MED13: variants seen among roughly 807,000 people sequenced by gnomAD.
MED13 encodes the protein mediator complex subunit 13.
A neutral mutation model predicts 225.2 loss-of-function variants in MED13; 23 were observed. The ratio of observed to expected loss-of-function variants is 0.10; its 90% CI spans 0.07 to 0.14. The LOEUF is 0.14. MED13 is among the 10% of genes least tolerant of loss of function. The pLI, the probability that MED13 is intolerant of heterozygous loss-of-function variation, is 1.00. For missense variants in MED13, 2,197 were observed against 2,594.5 expected (o/e 0.85, Z 3.33); for synonymous variants, 942 against 889.2 (o/e 1.06, Z -1.06).
intron 23 of MED13, among the ~76,000 whole-genome samples, chr17:61,959,751 C>T (rs1603391674): frequency 8.9e-6 from 1 of 112,868 alleles, no homozygotes; most frequent in Non-Finnish European, 1.7e-5. Context: ...TTTTTTGAGA[C>T]AGGGTCTTAC....
At chr17:61,981,078 A>G (rs749993713) in intron 16 of MED13, among the ~76,000 whole-genome samples, 2 of 151,562 alleles carry the variant, frequency 1.3e-5, no homozygotes, top group South Asian at 4.1e-4. Context: ...GCTGGAGTGC[A>G]GTAGTGCGAT....
intron 16 of MED13, among the ~76,000 whole-genome samples, chr17:61,981,745 T>C (rs556557527): frequency 5.5e-4 from 84 of 152,342 alleles, no homozygotes; most frequent in African/African-American, 2.0e-3. Context: ...TCCTCCAAAT[T>C]ACTTCTTACT....
intron 16 of MED13, among the ~76,000 whole-genome samples, chr17:61,976,323 T>C (rs191409717): frequency 1.6e-4 from 25 of 152,278 alleles, no homozygotes; most frequent in Admixed American, 1.6e-3. Flanking sequence ...CAGTATATAA[T>C]TCGATTGATA....
intron 21 of MED13, among the ~76,000 whole-genome samples, chr17:61,962,284 C>T (rs945661098): frequency 6.6e-6 from 1 of 151,380 alleles, no homozygotes; most frequent in African/African-American, 2.4e-5. Flanking sequence ...GACTCTGTCT[C>T]AGAAAAAAAA....
At chr17:62,061,304 A>T (rs2081037177) in intron 2 of MED13, among the ~76,000 whole-genome samples, 1 of 152,068 alleles carries the variant, frequency 6.6e-6, no homozygotes, top group South Asian at 2.1e-4. Context: ...GGATCACTAG[A>T]GTTCAGGAGT....
intron 8 of MED13, among the ~76,000 whole-genome samples, chr17:62,028,665 C>G (rs994459884): frequency 2.0e-5 from 3 of 151,336 alleles, no homozygotes; most frequent in Admixed American, 6.6e-5. Flanking sequence ...CACAGTGAAA[C>G]CCTGTCTCTA....
chr17:62,056,580 AG>A (rs2080998041), intron 2 of MED13, among the ~76,000 whole-genome samples: 1 of 148,940 alleles, frequency 6.7e-6, no homozygotes, highest in South Asian at 2.2e-4. Context: ...CTGGCAATAC[AG>A]GAAGACCCTG....
rs2079841762 is a variant in MED13 at position 61,945,029 on chromosome 17, T to A, written c.*1439A>T. 2 of 152,650 alleles carry A rather than the reference T, an allele frequency of 1.3e-5. No homozygotes were observed. The highest frequency in any genetic ancestry group is 1.3e-4 in the Admixed American group (2 of 15,274). The allele number at this position is 152,650 out of a possible 1,614,324, so 9.5% of individuals were successfully genotyped here. A position where few individuals can be genotyped will look rare whatever the true frequency, so the allele number is the denominator to read the frequency against. ...TAGGGAGGTGAGAACCTCCTTGGCATATGCCCTACCTTAATCTGAGCTGTG... is the reference window on the plus strand; with the variant it reads ...TAGGGAGGTGAGAACCTCCTTGGCAAATGCCCTACCTTAATCTGAGCTGTG... On this transcript the variant is annotated 3_prime_UTR_variant, in exon 30 of 30. Coordinates refer to ENST00000397786, the MANE Select transcript of MED13 (RefSeq NM_005121.3).
At chr17:62,020,372 T>C (rs1334202295) in intron 8 of MED13, among the ~76,000 whole-genome samples, 1 of 152,076 alleles carries the variant, frequency 6.6e-6, no homozygotes, top group Non-Finnish European at 1.5e-5. Context: ...CTTTATACTG[T>C]AGTTTGCTTT....
intron 3 of MED13, among the ~76,000 whole-genome samples, chr17:62,048,006 T>C (rs992035099): frequency 1.4e-5 from 2 of 142,840 alleles, no homozygotes; most frequent in Non-Finnish European, 3.0e-5. Context: ...TTGAAGGTAC[T>C]GGTATATATA....
chr17:61,975,025 G>C (rs1283355127), intron 16 of MED13, among the ~76,000 whole-genome samples: 1 of 152,070 alleles, frequency 6.6e-6, no homozygotes, highest in Non-Finnish European at 1.5e-5. Flanking sequence ...AAAAGAAGCT[G>C]AGTGTGATAG....
intron 16 of MED13, among the ~76,000 whole-genome samples, chr17:61,978,957 A>T (rs2080180398): frequency 6.6e-6 from 1 of 152,204 alleles, no homozygotes; most frequent in Non-Finnish European, 1.5e-5. Flanking sequence ...CTCACTGCCC[A>T]AGAACTAGAA....
At position 62,031,547 on chromosome 17, in the gene MED13, T is replaced by A; in HGVS notation, c.906A>T (p.Ser302=). 6.2e-7 allele frequency: 1 copy of A among 1,613,808 alleles called. No individual in the cohort carries two copies. The highest frequency in any genetic ancestry group is 1.3e-5 in the African/African-American group (1 of 74,978). ...CTTGGTGGACACCCAAGCAAGAAGA[T>A]GAACAGTGAGTGGATCCCACAGGGC... ...TPSPVGSTHC[S]SSCLGVHQVP... The change falls in exon 6 of 30, where the codon TCA becomes TCT. Residue 302 remains serine (S), a synonymous_variant. Coordinates refer to ENST00000397786, the MANE Select transcript of MED13 (RefSeq NM_005121.3).
chr17:62,015,945 TA>T, intron 8 of MED13, among the ~76,000 whole-genome samples: 2 of 13,614 alleles, frequency 1.5e-4, no homozygotes, highest in African/African-American at 2.4e-4. Context: ...TATATATATA[TA>T]TATATATATT....
At chr17:62,063,590 A>T (rs2143792643) in intron 1 of MED13, among the ~76,000 whole-genome samples, 1 of 152,340 alleles carries the variant, frequency 6.6e-6, no homozygotes, top group South Asian at 2.1e-4. Context: ...ACACACTTCA[A>T]TATGCAAACA....
intron 18 of MED13, among the ~76,000 whole-genome samples, chr17:61,967,235 T>C (rs1309347231): frequency 6.6e-6 from 1 of 152,138 alleles, no homozygotes; most frequent in African/African-American, 2.4e-5. Context: ...CTAATATGAA[T>C]TGTAAATCTC....
In MED13 at chr17:61,965,196, A is replaced by G. The variant is rs760474561; in HGVS notation, c.4654T>C (p.Ser1552Pro). The stretch of plus-strand genomic sequence containing the variant: ...GGTGGAAACGAAGGTAGTTTATTTG[A>G]TGATACTCCACTATTCAAGTTGGAG... ...SSSNLNSGVSSNKLPSFPPFG... is the reference protein window; with the variant it reads ...SSSNLNSGVSPNKLPSFPPFG... Residue 1552 changes from serine (S) to proline (P), a missense_variant, in exon 20 of 30, where the codon TCA (serine) becomes CCA (proline). Coordinates refer to ENST00000397786, the MANE Select transcript of MED13 (RefSeq NM_005121.3). 43 of 1,614,070 alleles carry G rather than the reference A, an allele frequency of 2.7e-5. No homozygotes were observed. In the South Asian group the frequency reaches 4.1e-4, roughly 15 times the overall value.
rs908390203 is a variant in MED13, at chr17:61,944,000, C to T, written c.*2468G>A. On this transcript the variant is annotated 3_prime_UTR_variant, in exon 30 of 30. Transcript: ENST00000397786. The stretch of plus-strand genomic sequence containing the variant: ...GTCAAATCCATCATCCTGCACAAGG[C>T]TTAATTTCTCAAATAAGTCTACTGA... The T allele has an allele frequency of 6.6e-6, 1 of 152,506 alleles. No individual in the cohort carries two copies. The highest frequency in any genetic ancestry group is 1.5e-5 in the Non-Finnish European group (1 of 67,988). 9.4% of individuals were successfully genotyped at this position (152,506 alleles called of 1,614,324 possible). A position where few individuals can be genotyped will look rare whatever the true frequency, so the allele number is the denominator to read the frequency against.
chr17:62,000,146 T>C (rs544239395), intron 9 of MED13, among the ~76,000 whole-genome samples: 1 of 152,294 alleles, frequency 6.6e-6, no homozygotes, highest in Non-Finnish European at 1.5e-5. Context: ...GTGCCACCTT[T>C]CAATAGCAAT....
Sources: gnomAD v4.1 joint callset for allele counts (sites outside exome capture counted in the v4.1 genomes callset) on GRCh38, gnomAD v4.1.1 for gene constraint, MANE v1.5 for transcripts, NCBI Gene and HGNC (gene_info 2026-07-23, HGNC 2026-07-21) for gene names.